The following GATB variants were observed in gnomAD, a reference collection of about 807,000 sequenced individuals.
GATB encodes the protein glutamyl-tRNA amidotransferase subunit B, also known as glutamyl-tRNA(Gln) amidotransferase subunit B, mitochondrial.
GATB carries 39 observed loss-of-function variants against 62.3 expected under a neutral mutation model. That is an observed-to-expected ratio of 0.63 (90% CI 0.48 to 0.82). GATB has a LOEUF of 0.82. Among genes scored for constraint, GATB ranks in the 40% least tolerant of loss-of-function variants. The probability of loss-of-function intolerance (pLI) is 0.00; values close to 1 mark genes in which losing one functional copy is unlikely to be tolerated. For missense variants in GATB, 670 were observed against 684.0 expected (o/e 0.98, Z 0.23); for synonymous variants, 276 against 258.9 (o/e 1.07, Z -0.63).
chr4:151,688,902 C>A, intron 9 of GATB, 139 bp from the exon 10 acceptor site: 1 of 711,990 alleles, frequency 1.4e-6, no homozygotes, highest in Non-Finnish European at 2.3e-6. Context: ...GAGATGTCAC[C>A]AGAACATTCT....
At chr4:151,697,963 A>ATATATATATATATATATATGTGTG (rs1560847733) in intron 9 of GATB, among the ~76,000 whole-genome samples, 1 of 116,678 alleles carries the variant, frequency 8.6e-6, no homozygotes, top group Non-Finnish European at 1.7e-5. Context: ...GTATATATAT[A>ATATATATATATATATATATGTGTG]TATATATATA....
chr4:151,701,971 C>T (rs1256025509), intron 8 of GATB, among the ~76,000 whole-genome samples: 1 of 152,210 alleles, frequency 6.6e-6, no homozygotes, highest in Non-Finnish European at 1.5e-5. Flanking sequence ...CCTACTGCTC[C>T]AAGGCTACTG....
chr4:151,671,253 C>A lies in GATB; in HGVS notation c.1595G>T (p.Gly532Val). 1 of 1,613,932 alleles carries A rather than the reference C, an allele frequency of 6.2e-7. No homozygotes were observed. Among genetic ancestry groups the A allele is most frequent in the East Asian group, 2.2e-5 (1 of 44,870 alleles). Residue 532 changes from glycine to valine, a missense_variant, in exon 13 of 13, where the codon GGG (glycine) becomes GTG (valine). Coordinates refer to ENST00000263985, the MANE Select transcript of GATB (RefSeq NM_004564.3). ...RNPRAINKLI[G>V]LVRKATQSRA... ...GCTTTGAGTCGCTTTCCGGACCAAC[C>A]CAATCAGTTTATTTATAGCTCTGGG...
At chr4:151,738,579 T>G (rs1739424740) in intron 2 of GATB, among the ~76,000 whole-genome samples, 1 of 152,340 alleles carries the variant, frequency 6.6e-6, no homozygotes, top group African/African-American at 2.4e-5. Context: ...CTAATACAAG[T>G]ATTATAATAA....
At chr4:151,692,911 T>C (rs1738394770) in intron 9 of GATB, among the ~76,000 whole-genome samples, 1 of 152,232 alleles carries the variant, frequency 6.6e-6, no homozygotes, top group Non-Finnish European at 1.5e-5. Flanking sequence ...ACAAAGGCTC[T>C]ACATCTGCAG....
intron 1 of GATB, among the ~76,000 whole-genome samples, chr4:151,760,408 G>T (rs1281474509): frequency 6.6e-6 from 1 of 152,056 alleles, no homozygotes; most frequent in African/African-American, 2.4e-5. Context: ...GTAGGTAAAG[G>T]CTCCCTTTCT....
intron 2 of GATB, among the ~76,000 whole-genome samples, chr4:151,732,231 C>T (rs1213871268): frequency 2.0e-5 from 3 of 152,178 alleles, no homozygotes; most frequent in Admixed American, 6.5e-5. Context: ...TACCCAACAG[C>T]TCATTGAGAA....
chr4:151,690,792 G>A (rs544528063), intron 9 of GATB, among the ~76,000 whole-genome samples: 8 of 152,278 alleles, frequency 5.3e-5, no homozygotes, highest in African/African-American at 1.9e-4. Flanking sequence ...CTCTGAGCTG[G>A]AACTGTACTT....
chr4:151,724,217 C>T (rs752096584), intron 2 of GATB: 1 of 152,318 alleles, frequency 6.6e-6, no homozygotes, highest in South Asian at 2.1e-4. Context: ...AAACAAATCA[C>T]CAAGTTCTAC....
chr4:151,697,953 G>GTATATATATATATA (rs56231389), intron 9 of GATB, among the ~76,000 whole-genome samples: 121 of 40,512 alleles, frequency 3.0e-3, no homozygotes, highest in Non-Finnish European at 3.7e-3. Context: ...GTGTGTGTGT[G>GTATATATATATATA]TATATATATA....
intron 9 of GATB, among the ~76,000 whole-genome samples, chr4:151,696,226 T>C (rs144435792): frequency 3.9e-5 from 6 of 152,374 alleles, no homozygotes; most frequent in Middle Eastern, 6.8e-3. Context: ...CTGCTTTTCA[T>C]TGGCGTTGAC....
intron 2 of GATB, among the ~76,000 whole-genome samples, chr4:151,747,218 G>A (rs942149994): frequency 1.3e-5 from 2 of 152,144 alleles, no homozygotes; most frequent in African/African-American, 4.8e-5. Context: ...AAAGCACCTT[G>A]GGGGCAGAAG....
chr4:151,745,333 A>G (rs1371611126), intron 2 of GATB, among the ~76,000 whole-genome samples: 1 of 152,234 alleles, frequency 6.6e-6, no homozygotes, highest in African/African-American at 2.4e-5. Flanking sequence ...TAGAATTAAG[A>G]GCCAGAAAAG....
intron 1 of GATB, among the ~76,000 whole-genome samples, 176 bp downstream of exon 1, chr4:151,760,631 C>T (rs2127003753): frequency 6.6e-6 from 1 of 152,222 alleles, no homozygotes; most frequent in Admixed American, 6.5e-5. Flanking sequence ...TATATGGGGG[C>T]GGAGTTGATA....
chr4:151,726,778 C>G (rs1465118296), intron 2 of GATB, among the ~76,000 whole-genome samples: 5 of 152,136 alleles, frequency 3.3e-5, no homozygotes, highest in Non-Finnish European at 5.9e-5. Flanking sequence ...TTTCCTTGGT[C>G]CAGAGTGTCA....
At chr4:151,703,979 A>G in intron 7 of GATB, 84 bp from the exon 8 acceptor site, 2 of 852,634 alleles carry the variant, frequency 2.3e-6, no homozygotes, top group Non-Finnish European at 3.9e-6. Flanking sequence ...CCTACCAATA[A>G]GGGGCACAGG....
At chr4:151,727,077 T>C (rs1433177529) in intron 2 of GATB, among the ~76,000 whole-genome samples, 1 of 152,120 alleles carries the variant, frequency 6.6e-6, no homozygotes, top group Non-Finnish European at 1.5e-5. Context: ...CCACCATGCC[T>C]GGTTAATTTT....
At chr4:151,742,474 C>G (rs1039302920) in intron 2 of GATB, among the ~76,000 whole-genome samples, 2 of 152,230 alleles carry the variant, frequency 1.3e-5, no homozygotes, top group Admixed American at 1.3e-4. Context: ...CACCCATATT[C>G]ACAGCCTTTG....
At position 151,688,696 on chromosome 4, in the gene GATB, AC is replaced by A. The variant is rs1738302729; in HGVS notation, c.1264del (p.Val422Ter). 1.9e-6 allele frequency: 3 copies of A among 1,613,246 alleles called. No individual in the cohort carries two copies. Among genetic ancestry groups the A allele is most frequent in the Admixed American group, 1.7e-5 (1 of 59,906 alleles). On this transcript the variant is annotated frameshift_variant, in exon 10 of 13. Coordinates refer to ENST00000263985, the MANE Select transcript of GATB (RefSeq NM_004564.3). LOFTEE classifies it high-confidence loss of function. The stretch of plus-strand genomic sequence containing the variant: ...AAAAGTGTTGAGGACCCAACTAGTC[AC>A]CTTTTTTGGCTCTGCCCTAGTTTCT... ...IKETRAEPKK[V>X]TSWVLNTFLG...
Sources: gnomAD v4.1 joint callset for allele counts (sites outside exome capture counted in the v4.1 genomes callset) on GRCh38, gnomAD v4.1.1 for gene constraint, MANE v1.5 for transcripts, NCBI Gene and HGNC (gene_info 2026-07-23, HGNC 2026-07-21) for gene names.